DSCAML1: variants seen among roughly 807,000 people sequenced by gnomAD.
The protein encoded by DSCAML1 is cell adhesion molecule DSCAML1.
In DSCAML1, 38 loss-of-function variants were observed where a neutral mutation model predicts 200.5. The ratio of observed to expected loss-of-function variants is 0.19; its 90% CI spans 0.15 to 0.25. DSCAML1 has a LOEUF of 0.25. DSCAML1 is among the 10% of genes least tolerant of loss of function. The pLI, the probability that DSCAML1 is intolerant of heterozygous loss-of-function variation, is 1.00. For synonymous variants in DSCAML1, 1,215 were observed against 1,165.0 expected (o/e 1.04, Z -0.87); for missense variants, 2,223 against 2,858.8 (o/e 0.78, Z 5.07).
chr11:117,714,628 CCAA>C (rs1174822006), intron 3 of DSCAML1, among the ~76,000 whole-genome samples: 1 of 151,928 alleles, frequency 6.6e-6, no homozygotes. Flanking sequence ...AGCAGCCTGG[CCAA>C]CATGGTGAAA....
intron 21 of DSCAML1, 137 bp from the exon 22 acceptor site, chr11:117,440,073 G>A: frequency 1.4e-6 from 1 of 691,102 alleles, no homozygotes; most frequent in Non-Finnish European, 2.5e-6. Context: ...TTTTGGTGAG[G>A]GGTAGGTGTC....
intron 1 of DSCAML1, among the ~76,000 whole-genome samples, chr11:117,803,926 T>C (rs1201172319): frequency 6.6e-6 from 1 of 152,176 alleles, no homozygotes; most frequent in African/African-American, 2.4e-5. Context: ...CGCTGGAGGA[T>C]CTCAGGATGG....
At chr11:117,439,990 T>C in intron 21 of DSCAML1, 54 bp from the exon 22 acceptor site, 8 of 1,484,718 alleles carry the variant, frequency 5.4e-6, no homozygotes, top group Non-Finnish European at 7.5e-6. Flanking sequence ...CACAATATCC[T>C]GGCCTCCTTC....
chr11:117,720,162 C>T lies in DSCAML1; in HGVS notation c.511+56629G>A, dbSNP rs143427629. On this transcript the variant is annotated intron_variant, in intron 3 of 32. Coordinates refer to ENST00000651296, the MANE Select transcript of DSCAML1 (RefSeq NM_020693.4). Reference sequence around the variant, plus strand: ...CCCAGAATAGGAGCACTCAGCCCAGCGCCCCCCGCCCGCACAGCCCACTCA... The same window carrying T: ...CCCAGAATAGGAGCACTCAGCCCAGTGCCCCCCGCCCGCACAGCCCACTCA... Among the ~76,000 whole-genome samples the T allele has an allele frequency of 5.3e-5, 8 of 152,226 alleles. No homozygotes were observed. The East Asian group carries it at 5.8e-4, about 11-fold the overall frequency.
In DSCAML1 at chr11:117,439,810, G is replaced by T. The variant is rs182341966; in HGVS notation, c.3980+9C>A. The T allele has an allele frequency of 1.9e-6, 3 of 1,611,766 alleles. No homozygotes were observed. The highest frequency in any genetic ancestry group is 2.5e-6 in the Non-Finnish European group (3 of 1,178,002). On this transcript the variant is annotated intron_variant, in intron 22 of 32. Transcript: ENST00000651296. ...GGCCACCCCATCCCTCCACTGTCCC[G>T]ACACACACCTGTCCTTGGTCCACTT...
intron 1 of DSCAML1, among the ~76,000 whole-genome samples, chr11:117,786,491 C>G (rs560329334): frequency 6.6e-6 from 1 of 152,166 alleles, no homozygotes; most frequent in Non-Finnish European, 1.5e-5. Context: ...TCAACTCACT[C>G]GCTCGCCCTC....
chr11:117,653,729 A>T (rs1476192015), intron 3 of DSCAML1, among the ~76,000 whole-genome samples: 1 of 152,212 alleles, frequency 6.6e-6, no homozygotes, highest in Non-Finnish European at 1.5e-5. Flanking sequence ...AAATGAAAAC[A>T]TACATCCAAG....
intron 3 of DSCAML1, among the ~76,000 whole-genome samples, chr11:117,734,154 G>A (rs748717958): frequency 6.6e-6 from 1 of 152,178 alleles, no homozygotes; most frequent in East Asian, 1.9e-4. Context: ...GACTGTCCGG[G>A]GAAGTCACCT....
chr11:117,815,945 T>C (rs1939219), intron 1 of DSCAML1, among the ~76,000 whole-genome samples: 17,317 of 151,904 alleles, frequency 0.11, 1,047 homozygotes, highest in Middle Eastern at 0.15. Context: ...GTTGGGGAGC[T>C]GCCACTCCTG....
Position 117,780,608 on chromosome 11 carries a change from C to T in DSCAML1, c.249G>A (p.Gln83=). The part of the protein sequence containing the change: ...IRHVHANGTL[Q]LYPFSPSAFN... Reference sequence around the variant, plus strand: ...AGGCGGAGGGGGAGAAGGGGTAGAGCTGCAGCGTCCCGTTGGCGTGGACGT... The same window carrying T: ...AGGCGGAGGGGGAGAAGGGGTAGAGTTGCAGCGTCCCGTTGGCGTGGACGT... Residue 83 remains glutamine (Q), a synonymous_variant, in exon 2 of 33, where the codon CAG becomes CAA. Transcript: ENST00000651296. The surrounding 1 kb of genome is among the most constrained non-coding windows in gnomAD (Gnocchi z 4.8). The T allele has an allele frequency of 1.9e-6, 3 of 1,591,134 alleles. No individual in the cohort carries two copies. The highest frequency in any genetic ancestry group is 2.6e-6 in the Non-Finnish European group (3 of 1,167,434).
intron 19 of DSCAML1, among the ~76,000 whole-genome samples, chr11:117,451,234 C>G (rs966537209): frequency 6.6e-6 from 1 of 152,150 alleles, no homozygotes; most frequent in African/African-American, 2.4e-5. Flanking sequence ...TAAGTGGATT[C>G]CAACTCTTAT....
chr11:117,678,076 C>G (rs1002584757), intron 3 of DSCAML1, among the ~76,000 whole-genome samples: 5 of 152,218 alleles, frequency 3.3e-5, no homozygotes, highest in Admixed American at 6.5e-5. Flanking sequence ...GAGCTTCCTC[C>G]AAATAACTCA....
At chr11:117,738,732 C>T (rs778795687) in intron 3 of DSCAML1, among the ~76,000 whole-genome samples, 18 of 152,072 alleles carry the variant, frequency 1.2e-4, no homozygotes, top group Admixed American at 2.0e-4. Context: ...CTTTCATGAC[C>T]GTCTGCTGGC....
chr11:117,785,963 T>C (rs2055344201), intron 1 of DSCAML1, among the ~76,000 whole-genome samples: 1 of 152,204 alleles, frequency 6.6e-6, no homozygotes, highest in African/African-American at 2.4e-5. Context: ...TTTTCCATCA[T>C]GTTGTTGAGT....
intron 23 of DSCAML1, 39 bp downstream of exon 23, chr11:117,439,227 C>G (rs1565679295): frequency 6.2e-7 from 1 of 1,609,170 alleles, no homozygotes; most frequent in South Asian, 1.1e-5. Context: ...TTCTCCATCC[C>G]TGTCCCCACC....
chr11:117,550,546 G>A (rs1051752785), intron 3 of DSCAML1, among the ~76,000 whole-genome samples: 1 of 152,184 alleles, frequency 6.6e-6, no homozygotes, highest in Non-Finnish European at 1.5e-5. Context: ...TTAGGTAACG[G>A]TTTCACACTG....
chr11:117,729,608 T>C (rs1248700702), intron 3 of DSCAML1, among the ~76,000 whole-genome samples: 3 of 152,186 alleles, frequency 2.0e-5, no homozygotes, highest in Non-Finnish European at 4.4e-5. Context: ...AAATGAAAAT[T>C]ATGTCTTTAT....
chr11:117,666,342 A>T (rs1401827530), intron 3 of DSCAML1, among the ~76,000 whole-genome samples: 2 of 152,162 alleles, frequency 1.3e-5, no homozygotes, highest in African/African-American at 4.8e-5. Context: ...CATTTTCCAT[A>T]GTGGATTTTA....
At chr11:117,683,582 G>T (rs774067666) in intron 3 of DSCAML1, among the ~76,000 whole-genome samples, 3 of 152,230 alleles carry the variant, frequency 2.0e-5, no homozygotes, top group Non-Finnish European at 4.4e-5. Flanking sequence ...CACACAGCTG[G>T]TGGATAAAAG....
Sources: allele counts gnomAD v4.1 joint callset (sites outside exome capture counted in the v4.1 genomes callset), GRCh38; gene constraint gnomAD v4.1.1; non-coding constraint Gnocchi (gnomAD v3.1); transcripts MANE v1.5; gene names NCBI Gene and HGNC (gene_info 2026-07-23, HGNC 2026-07-21).